Variants in KIF20B observed in about 807,000 individuals in gnomAD.
The protein encoded by KIF20B is kinesin family member 20B.
A neutral mutation model predicts 232.5 loss-of-function variants in KIF20B; 188 were observed. That is an observed-to-expected ratio of 0.81 (90% CI 0.72 to 0.91). The LOEUF is 0.91. Among genes scored for constraint, KIF20B ranks in the 40% least tolerant of loss-of-function variants. The pLI is 0.00. For missense variants in KIF20B, 2,154 were observed against 2,055.9 expected, an observed-to-expected ratio of 1.05 and a Z score of -0.92; for synonymous variants, 712 against 683.0, an observed-to-expected ratio of 1.04 and a Z score of -0.66.
chr10:89,771,938 G>GT (rs987985447), intron 31 of KIF20B, among the ~76,000 whole-genome samples: 1 of 151,862 alleles, frequency 6.6e-6, no homozygotes, highest in African/African-American at 2.4e-5. Context: ...ATTTTGGCTT[G>GT]TTGTCTTAAC....
intron 23 of KIF20B, among the ~76,000 whole-genome samples, chr10:89,748,839 C>T (rs1841970271): frequency 6.6e-6 from 1 of 151,918 alleles, no homozygotes; most frequent in Non-Finnish European, 1.5e-5. Flanking sequence ...ATGGCATAGG[C>T]CCACCGTGAC....
At chr10:89,739,860 T>G (rs907514046) in intron 21 of KIF20B, among the ~76,000 whole-genome samples, 1 of 152,170 alleles carries the variant, frequency 6.6e-6, no homozygotes, top group Admixed American at 6.5e-5. Context: ...AAACTTTTAT[T>G]TTTCACATCA....
At chr10:89,724,472 T>C (rs889532809) in intron 14 of KIF20B, among the ~76,000 whole-genome samples, 4 of 152,190 alleles carry the variant, frequency 2.6e-5, no homozygotes, top group Non-Finnish European at 4.4e-5. Context: ...TAGGTTGCAG[T>C]GAGCTGAGAT....
At chr10:89,710,150 G>T in intron 5 of KIF20B, 85 bp downstream of exon 5, 5 of 1,170,792 alleles carry the variant, frequency 4.3e-6, no homozygotes, top group South Asian at 1.8e-5. Flanking sequence ...ATGTAGTTAT[G>T]TTGCTATTAC....
chr10:89,728,591 C>T (rs566194508), intron 17 of KIF20B, among the ~76,000 whole-genome samples: 2 of 152,052 alleles, frequency 1.3e-5, no homozygotes, highest in East Asian at 3.9e-4. Flanking sequence ...CTGCAGCCTA[C>T]GTTTCCTGGG....
At chr10:89,736,084 G>A (rs889752352) in intron 19 of KIF20B, among the ~76,000 whole-genome samples, 5 of 152,092 alleles carry the variant, frequency 3.3e-5, no homozygotes, top group East Asian at 1.9e-4. Flanking sequence ...GAGCAAAGTC[G>A]TGTAGAAAAT....
At chr10:89,740,074 A>G (rs1564667938) in intron 21 of KIF20B, among the ~76,000 whole-genome samples, 1 of 152,156 alleles carries the variant, frequency 6.6e-6, no homozygotes, top group Non-Finnish European at 1.5e-5. Flanking sequence ...CAAGTGGGGA[A>G]TTACTGTGTT....
intron 31 of KIF20B, among the ~76,000 whole-genome samples, chr10:89,771,494 A>C (rs1295060998): frequency 6.6e-6 from 1 of 152,064 alleles, no homozygotes; most frequent in Non-Finnish European, 1.5e-5. Flanking sequence ...GACTTGATGC[A>C]TAGCCAATGC....
At position 89,711,177 on chromosome 10, in the gene KIF20B, A is replaced by G. The variant is rs1238894246; in HGVS notation, c.675+32A>G. On this transcript the variant is annotated intron_variant, in intron 6 of 32. Coordinates refer to ENST00000371728, the MANE Select transcript of KIF20B (RefSeq NM_001284259.2). ...AAATATTTTAGTATGTAAAATATGT[A>G]TAATTCCTGACTTCTTATAAACCCT... 3 of 1,330,850 alleles carry G rather than the reference A, an allele frequency of 2.3e-6. No individual in the cohort carries two copies. In the East Asian group the frequency reaches 7.2e-5, roughly 32 times the overall value. 82.4% of individuals were successfully genotyped at this position (1,330,850 alleles called of 1,614,324 possible). A position where few individuals can be genotyped will look rare whatever the true frequency, so the allele number is the denominator to read the frequency against.
At chr10:89,722,161 G>T (rs1001321722) in intron 13 of KIF20B, among the ~76,000 whole-genome samples, 2 of 152,122 alleles carry the variant, frequency 1.3e-5, no homozygotes, top group African/African-American at 2.4e-5. Context: ...CAATCCTCCT[G>T]CCTTGCAAAG....
chr10:89,773,827 C>T, intron 32 of KIF20B, 144 bp from the exon 33 acceptor site: 1 of 406,554 alleles, frequency 2.5e-6, no homozygotes, highest in East Asian at 3.7e-5. Flanking sequence ...TAGAAGATGG[C>T]ATATCTGTAG....
At chr10:89,755,985 A>G (rs745800289) in intron 26 of KIF20B, among the ~76,000 whole-genome samples, 1 of 152,130 alleles carries the variant, frequency 6.6e-6, no homozygotes. Flanking sequence ...AACATTGAAT[A>G]TTGAACAGAG....
At chr10:89,717,799 GTTC>G in intron 11 of KIF20B, 77 bp downstream of exon 11, 1 of 991,154 alleles carries the variant, frequency 1.0e-6, no homozygotes, top group Admixed American at 2.6e-5. Context: ...TTTTTAGAAA[GTTC>G]TTTTTTGATT....
chr10:89,732,222 G>A (rs1027952947), intron 18 of KIF20B, among the ~76,000 whole-genome samples: 2 of 151,972 alleles, frequency 1.3e-5, no homozygotes, highest in African/African-American at 4.8e-5. Context: ...GAACTGCTGG[G>A]CTCAAGAGAT....
rs11185871 is a variant in KIF20B at position 89,762,538 on chromosome 10, C to G, written c.4792-100C>G. 16 of 828,636 alleles carry G rather than the reference C, an allele frequency of 1.9e-5. No individual in the cohort carries two copies. In the East Asian group the frequency reaches 4.2e-4, roughly 22 times the overall value. 51.3% of individuals were successfully genotyped at this position (828,636 alleles called of 1,614,324 possible). A position where few individuals can be genotyped will look rare whatever the true frequency, so the allele number is the denominator to read the frequency against. On this transcript the variant is annotated intron_variant, in intron 28 of 32. Transcript: ENST00000371728. ...GATCTAGCACGCTTTTTGTCTTTCC[C>G]AATGCATTGTCTTGGATAGGCATTT...
chr10:89,703,534 C>T (rs962580982), intron 1 of KIF20B, among the ~76,000 whole-genome samples: 1 of 152,070 alleles, frequency 6.6e-6, no homozygotes, highest in Non-Finnish European at 1.5e-5. Context: ...AATGATGTTG[C>T]ACAGTGGAGA....
chr10:89,710,132 A>G, intron 5 of KIF20B, 67 bp downstream of exon 5: 1 of 1,393,138 alleles, frequency 7.2e-7, no homozygotes, highest in Non-Finnish European at 9.9e-7. Flanking sequence ...TGTTTTTATA[A>G]TACATACATG....
intron 19 of KIF20B, among the ~76,000 whole-genome samples, chr10:89,736,438 A>G (rs1841655188): frequency 1.3e-5 from 2 of 152,154 alleles, no homozygotes. Context: ...GAACTTATGA[A>G]TTAAATTGTA....
At chr10:89,739,700 A>G (rs1841751655) in intron 21 of KIF20B, among the ~76,000 whole-genome samples, 1 of 151,452 alleles carries the variant, frequency 6.6e-6, no homozygotes, top group African/African-American at 2.4e-5. Context: ...GTTACCAAAT[A>G]ATACTTAAAT....
Sources: gnomAD v4.1 joint callset for allele counts (sites outside exome capture counted in the v4.1 genomes callset) on GRCh38, gnomAD v4.1.1 for gene constraint, MANE v1.5 for transcripts, NCBI Gene and HGNC (gene_info 2026-07-23, HGNC 2026-07-21) for gene names.